GLT1D1: variants seen among roughly 807,000 people sequenced by gnomAD.
GLT1D1 encodes the protein glycosyltransferase 1 domain containing 1, also known as glycosyltransferase 1 domain-containing protein 1.
Under a neutral mutation model 28.7 loss-of-function variants are expected in GLT1D1, and 21 were observed. That is an observed-to-expected ratio of 0.73 (90% CI 0.52 to 1.05). The LOEUF is 1.05. Among genes scored for constraint, GLT1D1 ranks in the 50% least tolerant of loss-of-function variants. The pLI is 0.00. For missense variants in GLT1D1, 343 were observed against 330.6 expected, an observed-to-expected ratio of 1.04 and a Z score of -0.29; for synonymous variants, 147 against 124.8, an observed-to-expected ratio of 1.18 and a Z score of -1.19.
rs1566091147 is a variant in GLT1D1, at chr12:128,874,102, C to CTT, written c.69-1811_69-1810insTT. 6.5e-4 allele frequency among the ~76,000 whole-genome samples: 26 copies of CTT among 40,120 alleles called. 2 individuals carry two copies. The highest frequency in any genetic ancestry group is 2.2e-3 in the African/African-American group (18 of 8,024). 26.3% of individuals were successfully genotyped at this position (40,120 alleles called of 152,430 possible). On this transcript the variant is annotated intron_variant, in intron 1 of 7. Transcript: ENST00000281703. ...TTTCTTTCTTTCTTTCTTTCTTTCT[C>CTT]TCTCTCTCTCTCTCTCTCTCTCTCT... is the stretch of plus-strand genomic sequence containing the variant.
intron 2 of GLT1D1, among the ~76,000 whole-genome samples, chr12:128,882,436 C>T (rs2135814962): frequency 6.6e-6 from 1 of 151,960 alleles, no homozygotes. Context: ...ACCACCATGC[C>T]CTGCTAATTT....
At chr12:128,874,027 CCCTCCCTCCCTCCCTG>C (rs1356030959) in intron 1 of GLT1D1, among the ~76,000 whole-genome samples, 2 of 71,854 alleles carry the variant, frequency 2.8e-5, no homozygotes, top group African/African-American at 6.6e-5. Flanking sequence ...TCCCCTTCCT[CCCTCCCTCCCTCCCTG>C]CCTCCCTCCC....
Position 128,926,458 on chromosome 12 carries a change from T to C in GLT1D1, c.376-18868T>C. The C allele has an allele frequency of 2.0e-6, 3 of 1,465,686 alleles. No homozygotes were observed. The highest frequency in any genetic ancestry group is 2.8e-6 in the Non-Finnish European group (3 of 1,083,666). The allele number at this position is 1,465,686 out of a possible 1,614,324, so 90.8% of individuals were successfully genotyped here. On this transcript the variant is annotated intron_variant, in intron 4 of 7. Transcript: ENST00000281703. ...TATCTGGTGGACGCATTTTCAGGTG[T>C]GTTTGCTGGCTACCTTCCTCCACTG...
At position 128,927,058 on chromosome 12, in the gene GLT1D1, C is replaced by T. The variant is rs746438657; in HGVS notation, c.376-18268C>T. The T allele has an allele frequency of 2.8e-6, 4 of 1,412,262 alleles. No individual in the cohort carries two copies. The South Asian group carries it at 3.7e-5, about 13-fold the overall frequency. 87.5% of individuals were successfully genotyped at this position (1,412,262 alleles called of 1,614,324 possible). On this transcript the variant is annotated intron_variant, in intron 4 of 7. Coordinates refer to ENST00000281703, the MANE Select transcript of GLT1D1 (RefSeq NM_144669.3). ...AAGTTAGTTGTGCTTGCAGCTGTGA[C>T]TTAAACCCATTTGAAGTGTTTTTTT...
chr12:128,947,007 A>C (rs1222212046), intron 5 of GLT1D1, among the ~76,000 whole-genome samples: 2 of 152,296 alleles, frequency 1.3e-5, no homozygotes, highest in African/African-American at 4.8e-5. Context: ...TATTTGAAAA[A>C]AAGTTGAATT....
chr12:128,873,883 C>CCTTTCTCTTTCTT (rs1491164911), intron 1 of GLT1D1, among the ~76,000 whole-genome samples: 1,380 of 117,294 alleles, frequency 0.012, 51 homozygotes, highest in African/African-American at 0.042. Flanking sequence ...TCCTTCCTTC[C>CCTTTCTCTTTCTT]TCTCTCTTGC....
In GLT1D1 at chr12:128,902,724, C is replaced by T. The variant is rs986563835; in HGVS notation, c.375+3437C>T. ...TAAATGAAACAGCAAACGTGGGAACCCAACTGTGTTGGTTAAGACAGACAT... is the reference window on the plus strand; with the variant it reads ...TAAATGAAACAGCAAACGTGGGAACTCAACTGTGTTGGTTAAGACAGACAT... On this transcript the variant is annotated intron_variant, in intron 4 of 7. Coordinates refer to ENST00000281703, the MANE Select transcript of GLT1D1 (RefSeq NM_144669.3). Among the ~76,000 whole-genome samples the T allele has an allele frequency of 7.3e-5, 11 of 151,512 alleles. 1 individual carries two copies. The highest frequency in any genetic ancestry group is 4.6e-4 in the Admixed American group (7 of 15,234).
chr12:128,971,470 GCCTCCCTC>G (rs148382314), intron 7 of GLT1D1, among the ~76,000 whole-genome samples: 1 of 91,250 alleles, frequency 1.1e-5, no homozygotes, highest in Non-Finnish European at 2.1e-5. Flanking sequence ...CCCTCCCTCT[GCCTCCCTC>G]CCTCCCTCTC....
At chr12:128,866,900 C>T in intron 1 of GLT1D1, among the ~76,000 whole-genome samples, 1 of 151,104 alleles carries the variant, frequency 6.6e-6, no homozygotes, top group East Asian at 2.0e-4. Flanking sequence ...GGATTACAGG[C>T]ATGAGCCACT....
At chr12:128,955,921 G>T (rs181196425) in intron 6 of GLT1D1, among the ~76,000 whole-genome samples, 3 of 151,572 alleles carry the variant, frequency 2.0e-5, no homozygotes, top group African/African-American at 7.3e-5. Flanking sequence ...GTTATGATGG[G>T]ACTGCATCCC....
At chr12:128,936,444 G>A (rs1259494874) in intron 4 of GLT1D1, among the ~76,000 whole-genome samples, 5 of 152,176 alleles carry the variant, frequency 3.3e-5, no homozygotes, top group African/African-American at 7.2e-5. Flanking sequence ...GTGAGCCACC[G>A]CACCCGGCCA....
chr12:128,887,000 C>G (rs889712119), intron 2 of GLT1D1, among the ~76,000 whole-genome samples: 1 of 151,138 alleles, frequency 6.6e-6, no homozygotes, highest in African/African-American at 2.5e-5. Context: ...AAGTAAGTCT[C>G]ACTCCCAACC....
chr12:128,943,247 A>G (rs1187479064), intron 4 of GLT1D1, among the ~76,000 whole-genome samples: 1 of 152,152 alleles, frequency 6.6e-6, no homozygotes, highest in Non-Finnish European at 1.5e-5. Context: ...ATTATGATTG[A>G]TTGCTATTTA....
At chr12:128,926,989 C>A (rs1182697118) in intron 4 of GLT1D1, 116 bp from the exon 8 acceptor site, 3 of 624,028 alleles carry the variant, frequency 4.8e-6, no homozygotes, top group African/African-American at 1.8e-5. Context: ...TGAATGAAAG[C>A]CAAATGATAT....
intron 1 of GLT1D1, among the ~76,000 whole-genome samples, chr12:128,857,596 C>A (rs1426236571): frequency 6.6e-6 from 1 of 152,108 alleles, no homozygotes; most frequent in Non-Finnish European, 1.5e-5. Context: ...CTGAGAGTCC[C>A]TGTGATCTAA....
intron 7 of GLT1D1, among the ~76,000 whole-genome samples, chr12:128,969,827 T>C (rs554161559): frequency 4.5e-4 from 68 of 152,230 alleles, no homozygotes; most frequent in Admixed American, 9.8e-4. Context: ...CTCTCCACCA[T>C]CTCCTGGGCC....
intron 7 of GLT1D1, among the ~76,000 whole-genome samples, chr12:128,969,560 C>G (rs551672213): frequency 6.6e-6 from 1 of 152,142 alleles, no homozygotes; most frequent in South Asian, 2.1e-4. Context: ...AGGGCCAGGA[C>G]GCGGGTGAGC....
intron 4 of GLT1D1, among the ~76,000 whole-genome samples, chr12:128,919,591 A>G (rs1872447236): frequency 6.6e-6 from 1 of 152,226 alleles, no homozygotes; most frequent in African/African-American, 2.4e-5. Flanking sequence ...TCACATACAA[A>G]CAGGTCAACT....
chr12:128,865,129 C>T (rs528539862), intron 1 of GLT1D1, among the ~76,000 whole-genome samples: 4 of 152,250 alleles, frequency 2.6e-5, no homozygotes, highest in East Asian at 1.9e-4. Context: ...CAACACACGC[C>T]GAGGCTTCTG....
Sources: allele counts gnomAD v4.1 joint callset (sites outside exome capture counted in the v4.1 genomes callset), GRCh38; gene constraint gnomAD v4.1.1; transcripts MANE v1.5; gene names NCBI Gene and HGNC (gene_info 2026-07-23, HGNC 2026-07-21).